Variants in FBLIM1 observed in about 807,000 individuals in gnomAD.
FBLIM1 encodes filamin binding LIM protein 1, also known as filamin-binding LIM protein 1.
Under a neutral mutation model 37.4 loss-of-function variants are expected in FBLIM1, and 29 were observed. That is an observed-to-expected ratio of 0.77 (90% CI 0.58 to 1.06). The LOEUF (loss-of-function observed/expected upper bound fraction) is 1.06. Ranked by LOEUF, FBLIM1 falls within the 50% of genes least tolerant of loss-of-function variation. FBLIM1 has a pLI of 0.00. For synonymous variants in FBLIM1, 193 were observed against 199.0 expected, an observed-to-expected ratio of 0.97 and a Z score of 0.25; for missense variants, 449 against 505.6, an observed-to-expected ratio of 0.89 and a Z score of 1.07.
chr1:15,768,524 A>C lies in FBLIM1; in HGVS notation c.439-4A>C. Reference sequence around the variant, plus strand: ...TGGATGACTCCCCGTCTGCATCCCCACAGGCCCCAGCGGAGGGACCTTCAG... The same window carrying C: ...TGGATGACTCCCCGTCTGCATCCCCCCAGGCCCCAGCGGAGGGACCTTCAG... On this transcript the variant is annotated splice_region_variant and splice_polypyrimidine_tract_variant and intron_variant, in intron 4 of 8. Coordinates refer to ENST00000375766, the MANE Select transcript of FBLIM1 (RefSeq NM_017556.4). The C allele has an allele frequency of 6.4e-7, 1 of 1,562,792 alleles. No individual in the cohort carries two copies. The highest frequency in any genetic ancestry group is 2.3e-5 in the East Asian group (1 of 43,474).
At chr1:15,776,459 T>G (rs2148631085) in intron 7 of FBLIM1, among the ~76,000 whole-genome samples, 1 of 152,278 alleles carries the variant, frequency 6.6e-6, no homozygotes, top group African/African-American at 2.4e-5. Flanking sequence ...CCTCGGGGTC[T>G]GCCCTTGGAG....
upstream of FBLIM1, chr1:15,758,669 G>C (rs1275366867): frequency 6.6e-6 from 1 of 150,696 alleles, no homozygotes; most frequent in Non-Finnish European, 1.5e-5. This position sits in a 1 kb window ranked among gnomAD's most constrained non-coding sequence, Gnocchi z 6.2. Context: ...CGCGGGGCGG[G>C]AATCCCGCGC....
chr1:15,774,565 G>T (rs58547249), intron 6 of FBLIM1, 53 bp from the exon 7 acceptor site: 2 of 1,554,674 alleles, frequency 1.3e-6, no homozygotes, highest in Non-Finnish European at 1.7e-6. Flanking sequence ...GACGACCCTC[G>T]TGGGTTGGGG....
intron 8 of FBLIM1, among the ~76,000 whole-genome samples, chr1:15,780,046 A>AT (rs1464656275): frequency 6.6e-6 from 1 of 151,542 alleles, no homozygotes; most frequent in African/African-American, 2.4e-5. Context: ...CGCCCAGCTA[A>AT]TTTTTTTATT....
chr1:15,779,693 C>T (rs1336213227), intron 8 of FBLIM1, among the ~76,000 whole-genome samples: 1 of 152,070 alleles, frequency 6.6e-6, no homozygotes, highest in Non-Finnish European at 1.5e-5. Flanking sequence ...ACTATGGTGC[C>T]AGGCTAGAGA....
intron 6 of FBLIM1, among the ~76,000 whole-genome samples, chr1:15,771,929 G>C (rs569078380): frequency 2.6e-5 from 4 of 151,930 alleles, no homozygotes; most frequent in African/African-American, 9.6e-5. Context: ...AGAGCCACAG[G>C]GTTCCAATGT....
intron 8 of FBLIM1, among the ~76,000 whole-genome samples, chr1:15,782,132 T>G (rs1288428613): frequency 3.3e-5 from 5 of 151,620 alleles, no homozygotes; most frequent in Admixed American, 6.6e-5. Context: ...GGGAAACTGG[T>G]GGGGTGTGGT....
At chr1:15,777,970 G>A (rs1231341209) in intron 8 of FBLIM1, among the ~76,000 whole-genome samples, 2 of 152,130 alleles carry the variant, frequency 1.3e-5, no homozygotes, top group African/African-American at 2.4e-5. Flanking sequence ...ACAGTGCATG[G>A]GCATAGGTGG....
chr1:15,758,048 C>A (rs1313233477), upstream of FBLIM1: 3 of 152,284 alleles, frequency 2.0e-5, no homozygotes, highest in Non-Finnish European at 4.4e-5. This position sits in a 1 kb window ranked among gnomAD's most constrained non-coding sequence, Gnocchi z 6.2. Context: ...AACAAGGTGA[C>A]CTGCTCCACT....
rs1056720417 is a variant in FBLIM1 at position 15,775,676 on chromosome 1, G to A, written c.890+880G>A. Among the ~76,000 whole-genome samples, 39 of 152,210 alleles carry A rather than the reference G, an allele frequency of 2.6e-4. 1 individual carries two copies. The highest frequency in any genetic ancestry group is 5.4e-4 in the Non-Finnish European group (37 of 68,010). On this transcript the variant is annotated intron_variant, in intron 7 of 8. Coordinates refer to ENST00000375766, the MANE Select transcript of FBLIM1 (RefSeq NM_017556.4). ...TGCCACCCTCCAGGAACCCCCACATGTTCAGCCACCTGAAAGCTCCCGAAC... is the reference window on the plus strand; with the variant it reads ...TGCCACCCTCCAGGAACCCCCACATATTCAGCCACCTGAAAGCTCCCGAAC...
At chr1:15,775,487 A>G (rs2069456171) in intron 7 of FBLIM1, among the ~76,000 whole-genome samples, 1 of 151,354 alleles carries the variant, frequency 6.6e-6, no homozygotes, top group Non-Finnish European at 1.5e-5. Context: ...GTGAGCCGAG[A>G]TCGCACCACT....
At chr1:15,780,678 G>A (rs1011077464) in intron 8 of FBLIM1, among the ~76,000 whole-genome samples, 1 of 152,072 alleles carries the variant, frequency 6.6e-6, no homozygotes, top group Non-Finnish European at 1.5e-5. Context: ...TTTTATGCGG[G>A]GACCTAAGTG....
intron 5 of FBLIM1, among the ~76,000 whole-genome samples, chr1:15,770,206 C>G (rs2148560834): frequency 6.6e-6 from 1 of 152,276 alleles, no homozygotes; most frequent in Non-Finnish European, 1.5e-5. Flanking sequence ...CTTGGCCTCC[C>G]AAAGTGCTGG....
At position 15,774,649 on chromosome 1, in the gene FBLIM1, A is replaced by C. The variant is rs753314981; in HGVS notation, c.743A>C (p.Glu248Ala). ...CTGGAGAGGTGCGGCAAGTGTGGCGAGGTGGTCCGGGACCACATCATCAGG... is the reference window on the plus strand; with the variant it reads ...CTGGAGAGGTGCGGCAAGTGTGGCGCGGTGGTCCGGGACCACATCATCAGG... ...DTLERCGKCG[E>A]VVRDHIIRAL... The change falls in exon 7 of 9, where the codon GAG (glutamate) becomes GCG (alanine). Residue 248 changes from glutamate (E) to alanine (A), a missense_variant. Physicochemically the swap from Glu to Ala is moderately radical, Grantham distance 107 (BLOSUM62 -1). Coordinates refer to ENST00000375766, the MANE Select transcript of FBLIM1 (RefSeq NM_017556.4). 3 of 1,613,652 alleles carry C rather than the reference A, an allele frequency of 1.9e-6. No homozygotes were observed. Among genetic ancestry groups the C allele is most frequent in the African/African-American group, 2.7e-5 (2 of 74,840 alleles).
intron 7 of FBLIM1, among the ~76,000 whole-genome samples, chr1:15,776,574 A>G (rs1336235541): frequency 1.3e-5 from 2 of 151,904 alleles, no homozygotes; most frequent in African/African-American, 4.8e-5. Flanking sequence ...TAAGAAAGAA[A>G]GAAGTACTGG....
intron 8 of FBLIM1, among the ~76,000 whole-genome samples, chr1:15,779,987 C>G (rs1019705400): frequency 6.6e-6 from 1 of 152,054 alleles, no homozygotes; most frequent in Non-Finnish European, 1.5e-5. Flanking sequence ...TCAAGCAGTT[C>G]TCTCACCTTA....
intron 7 of FBLIM1, among the ~76,000 whole-genome samples, chr1:15,776,843 CAA>C (rs1289114834): frequency 1.3e-5 from 1 of 76,824 alleles, no homozygotes; most frequent in Non-Finnish European, 2.4e-5. Flanking sequence ...GCCTGGGTGA[CAA>C]GAGCAAAAAA....
intron 1 of FBLIM1, among the ~76,000 whole-genome samples, chr1:15,763,017 C>G (rs1316059685): frequency 6.6e-6 from 1 of 151,758 alleles, no homozygotes; most frequent in Non-Finnish European, 1.5e-5. Flanking sequence ...CTCAAAGAGG[C>G]TGAGGCTGCC....
Position 15,770,552 on chromosome 1 carries a change from C to T in FBLIM1, c.685C>T (p.Arg229Ter), listed in dbSNP as rs772093436. 92 of 1,613,832 alleles carry T rather than the reference C, an allele frequency of 5.7e-5. No homozygotes were observed. The highest frequency in any genetic ancestry group is 4.3e-4 in the Admixed American group (26 of 59,992). The change falls in exon 6 of 9, where the codon CGA becomes TGA. Residue 229 changes from arginine (R) to a stop codon, truncating the protein, a stop_gained. Transcript: ENST00000375766. LOFTEE classifies it high-confidence loss of function. ...AGQSFYQKDG[R>*]PLCEPCYQDT... is the part of the protein sequence containing the mutation. ...GCAGAGCTTCTACCAGAAGGATGGG[C>T]GACCCCTCTGCGAACCCTGCTACCA...
Sources: gnomAD v4.1 joint callset for allele counts (sites outside exome capture counted in the v4.1 genomes callset) on GRCh38, gnomAD v4.1.1 for gene constraint, Gnocchi (gnomAD v3.1) non-coding constraint, MANE v1.5 for transcripts, NCBI Gene and HGNC (gene_info 2026-07-23, HGNC 2026-07-21) for gene names.